ASCC3: variants seen among roughly 807,000 people sequenced by gnomAD.
The protein encoded by ASCC3 is ASC-1 complex subunit P200.
ASCC3 carries 158 observed loss-of-function variants against 256.3 expected under a neutral mutation model. The ratio of observed to expected loss-of-function variants is 0.62; its 90% CI spans 0.54 to 0.70. The LOEUF (loss-of-function observed/expected upper bound fraction) is 0.70, where lower values mean the gene tolerates loss of function less well. ASCC3 is among the 30% of genes least tolerant of loss of function. ASCC3 has a pLI of 0.00. For synonymous variants in ASCC3, 948 were observed against 883.4 expected (o/e 1.07, Z -1.30); for missense variants, 2,259 against 2,626.0 (o/e 0.86, Z 3.05).
chr6:100,652,018 T>C (rs532146005), intron 18 of ASCC3, among the ~76,000 whole-genome samples: 4 of 152,040 alleles, frequency 2.6e-5, no homozygotes, highest in Non-Finnish European at 5.9e-5. Flanking sequence ...TCATGTATCA[T>C]AAAATTCAGA....
chr6:100,797,584 T>C (rs1769694456), intron 8 of ASCC3, among the ~76,000 whole-genome samples: 1 of 152,078 alleles, frequency 6.6e-6, no homozygotes, highest in African/African-American at 2.4e-5. Flanking sequence ...ATAACAATTG[T>C]ATTATAATTG....
At chr6:100,813,580 A>G (rs762882783) in intron 4 of ASCC3, among the ~76,000 whole-genome samples, 1 of 152,102 alleles carries the variant, frequency 6.6e-6, no homozygotes, top group African/African-American at 2.4e-5. Flanking sequence ...TTCAGATGAT[A>G]ATTCAAATTC....
At chr6:100,630,661 T>A (rs139675148) in intron 26 of ASCC3, among the ~76,000 whole-genome samples, 1,895 of 152,072 alleles carry the variant, frequency 0.012, 48 homozygotes, top group African/African-American at 0.043. Context: ...AATACTGCAA[T>A]GAATAACCTT....
At chr6:100,720,336 A>ATT (rs1779268780) in intron 11 of ASCC3, among the ~76,000 whole-genome samples, 1 of 151,908 alleles carries the variant, frequency 6.6e-6, no homozygotes. Flanking sequence ...AAACACAGAA[A>ATT]AGGTGTAATT....
intron 6 of ASCC3, among the ~76,000 whole-genome samples, 161 bp downstream of exon 6, chr6:100,800,139 T>C (rs1769837754): frequency 6.6e-6 from 1 of 152,044 alleles, no homozygotes; most frequent in Non-Finnish European, 1.5e-5. Flanking sequence ...CATTGCTTTC[T>C]TATCCCAGAA....
In ASCC3 at chr6:100,580,790, T is replaced by C. The variant is rs1399490884; in HGVS notation, c.5550+8844A>G. 3.6e-5 allele frequency among the ~76,000 whole-genome samples: 5 copies of C among 138,514 alleles called. No individual in the cohort carries two copies. In the South Asian group the frequency reaches 9.6e-4, roughly 27 times the overall value. 90.9% of individuals were successfully genotyped at this position (138,514 alleles called of 152,430 possible). ...ATGTTCCCCTTCCTGTGTCCATGTG[T>C]TCTCATTGTTCAATTCCCACCTATG... is the stretch of plus-strand genomic sequence containing the variant. On this transcript the variant is annotated intron_variant, in intron 36 of 41. Transcript: ENST00000369162.
intron 24 of ASCC3, among the ~76,000 whole-genome samples, chr6:100,641,763 C>T (rs1258256177): frequency 6.6e-6 from 1 of 152,036 alleles, no homozygotes; most frequent in Non-Finnish European, 1.5e-5. Context: ...TGGAACCAAC[C>T]CAAATGTCCA....
intron 10 of ASCC3, among the ~76,000 whole-genome samples, chr6:100,761,466 T>A (rs985015632): frequency 6.6e-6 from 1 of 152,144 alleles, no homozygotes; most frequent in Non-Finnish European, 1.5e-5. Context: ...CCAGCCTTGG[T>A]GACAGAGTGA....
Position 100,696,319 on chromosome 6 carries a change from A to T in ASCC3, c.2152-16567T>A, listed in dbSNP as rs899349433. Among the ~76,000 whole-genome samples the T allele has an allele frequency of 2.6e-5, 4 of 152,296 alleles. No homozygotes were observed. In the East Asian group the frequency reaches 7.7e-4, roughly 29 times the overall value. On this transcript the variant is annotated intron_variant, in intron 13 of 41. Transcript: ENST00000369162. ...ATGTATAATGGTTAATCATATTTGA[A>T]TATTTATCTCCTTTTTTTCACATTG...
At chr6:100,726,620 C>T (rs1779640574) in intron 10 of ASCC3, among the ~76,000 whole-genome samples, 1 of 151,988 alleles carries the variant, frequency 6.6e-6, no homozygotes, top group Admixed American at 6.6e-5. Context: ...CAACCTGTAC[C>T]ACCAAATCTT....
intron 10 of ASCC3, among the ~76,000 whole-genome samples, chr6:100,747,455 G>T (rs1780734118): frequency 6.6e-6 from 1 of 152,032 alleles, no homozygotes; most frequent in African/African-American, 2.4e-5. Flanking sequence ...CAGCAGATTT[G>T]TAACAGTCAA....
At chr6:100,702,667 A>G (rs1411406762) in intron 13 of ASCC3, among the ~76,000 whole-genome samples, 2 of 152,190 alleles carry the variant, frequency 1.3e-5, no homozygotes, top group African/African-American at 4.8e-5. Context: ...CAAAGAGATT[A>G]GAGGATAAAG....
intron 1 of ASCC3, among the ~76,000 whole-genome samples, chr6:100,877,127 ATT>A (rs1161824299): frequency 6.6e-6 from 1 of 152,160 alleles, no homozygotes; most frequent in Non-Finnish European, 1.5e-5. Context: ...TAGTTACTGT[ATT>A]TTTTCGTTAT....
chr6:100,525,723 A>G (rs1432363931), intron 37 of ASCC3, among the ~76,000 whole-genome samples: 2 of 152,194 alleles, frequency 1.3e-5, no homozygotes, highest in Non-Finnish European at 2.9e-5. Context: ...TATATTTAAG[A>G]CGTCAATATT....
chr6:100,742,110 A>C (rs1582793459), intron 10 of ASCC3, among the ~76,000 whole-genome samples: 3 of 151,738 alleles, frequency 2.0e-5, no homozygotes, highest in South Asian at 4.2e-4. Flanking sequence ...CAGTCAAGCC[A>C]CTCTTCTGTA....
chr6:100,787,212 T>C (rs1432326522), intron 8 of ASCC3, among the ~76,000 whole-genome samples: 1 of 152,104 alleles, frequency 6.6e-6, no homozygotes, highest in Non-Finnish European at 1.5e-5. Context: ...GGATTTGCCT[T>C]CTGACAAGCA....
chr6:100,872,469 C>CGGGGGGGG (rs757129669), intron 1 of ASCC3, among the ~76,000 whole-genome samples: 3 of 128,790 alleles, frequency 2.3e-5, no homozygotes, highest in East Asian at 4.7e-4. Flanking sequence ...AAAAAAGGGT[C>CGGGGGGGG]GGGGGGGGAT....
chr6:100,604,203 T>C (rs1001400132), intron 33 of ASCC3, among the ~76,000 whole-genome samples: 1 of 152,116 alleles, frequency 6.6e-6, no homozygotes, highest in Admixed American at 6.6e-5. Flanking sequence ...TTAAATATTA[T>C]TTGCATTAGG....
At chr6:100,537,000 A>G (rs2114656346) in intron 37 of ASCC3, among the ~76,000 whole-genome samples, 1 of 152,338 alleles carries the variant, frequency 6.6e-6, no homozygotes, top group East Asian at 1.9e-4. Flanking sequence ...ACTAAAAAAG[A>G]AAATCACAGT....
Sources: gnomAD v4.1 joint callset for allele counts (sites outside exome capture counted in the v4.1 genomes callset) on GRCh38, gnomAD v4.1.1 for gene constraint, MANE v1.5 for transcripts, NCBI Gene and HGNC (gene_info 2026-07-23, HGNC 2026-07-21) for gene names.